The following TSPAN9 variants were observed in gnomAD, a reference collection of about 807,000 sequenced individuals.
TSPAN9 encodes tetraspanin 9, also known as tetraspanin-9.
A neutral mutation model predicts 31.0 loss-of-function variants in TSPAN9; 16 were observed. The observed-to-expected ratio is 0.52, with a 90% confidence interval of 0.35 to 0.78. The LOEUF (loss-of-function observed/expected upper bound fraction) is 0.78, where lower values mean the gene tolerates loss of function less well. Among genes scored for constraint, TSPAN9 ranks in the 30% least tolerant of loss-of-function variants. The pLI, the probability that TSPAN9 is intolerant of heterozygous loss-of-function variation, is 0.01. For missense variants in TSPAN9, 272 were observed against 312.5 expected, an observed-to-expected ratio of 0.87 and a Z score of 0.98; for synonymous variants, 145 against 121.6, an observed-to-expected ratio of 1.19 and a Z score of -1.27.
chr12:3,238,844 C>T (rs183088460), intron 3 of TSPAN9, among the ~76,000 whole-genome samples: 101 of 152,280 alleles, frequency 6.6e-4, no homozygotes, highest in Non-Finnish European at 9.0e-4. Flanking sequence ...ATGCAGCATA[C>T]GTAGGTGGGT....
intron 2 of TSPAN9, among the ~76,000 whole-genome samples, chr12:3,193,001 A>AT (rs1464959862): frequency 2.0e-5 from 3 of 151,902 alleles, no homozygotes; most frequent in African/African-American, 4.8e-5. Context: ...TTTATTCCTT[A>AT]TTTTTTTACA....
chr12:3,284,760 C>T lies in TSPAN9; in HGVS notation c.*1644C>T, dbSNP rs1862980742. On this transcript the variant is annotated 3_prime_UTR_variant, in exon 9 of 9. Transcript: ENST00000011898. ...CTAGCCAGCGTCTGCTGCACTTGAT[C>T]AGGTGGGGCCTTGGTGGGCGGCTGC... 2 of 152,238 alleles carry T rather than the reference C, an allele frequency of 1.3e-5. No homozygotes were observed. Among genetic ancestry groups the T allele is most frequent in the Admixed American group, 6.5e-5 (1 of 15,284 alleles). 9.4% of individuals were successfully genotyped at this position (152,238 alleles called of 1,614,324 possible).
intron 3 of TSPAN9, among the ~76,000 whole-genome samples, chr12:3,256,532 GC>G (rs1862348469): frequency 6.6e-6 from 1 of 152,246 alleles, no homozygotes; most frequent in African/African-American, 2.4e-5. Context: ...GCTGCCTCTA[GC>G]GTAATCGTCG....
intron 2 of TSPAN9, among the ~76,000 whole-genome samples, chr12:3,152,211 A>T (rs2098340115): frequency 6.6e-6 from 1 of 152,194 alleles, no homozygotes; most frequent in Non-Finnish European, 1.5e-5. Context: ...ATAGGGAAGC[A>T]GCTGCCACTT....
Position 3,280,296 on chromosome 12 carries a change from C to A in TSPAN9, c.331-86C>A. 1 of 1,244,188 alleles carries A rather than the reference C, an allele frequency of 8.0e-7. No homozygotes were observed. The highest frequency in any genetic ancestry group is 1.2e-6 in the Non-Finnish European group (1 of 861,924). The allele number at this position is 1,244,188 out of a possible 1,614,324, so 77.1% of individuals were successfully genotyped here. ...GCCTTCCTCACTCCTCATCTGTCAC[C>A]CACCATCCTGGGTGACCTGAGGTGG... On this transcript the variant is annotated intron_variant, in intron 5 of 8. Coordinates refer to ENST00000011898, the MANE Select transcript of TSPAN9 (RefSeq NM_006675.5). The surrounding 1 kb of genome is among the most constrained non-coding windows in gnomAD (Gnocchi z 4.5).
chr12:3,247,079 C>G (rs764353504), intron 3 of TSPAN9, among the ~76,000 whole-genome samples: 1 of 152,118 alleles, frequency 6.6e-6, no homozygotes, highest in Non-Finnish European at 1.5e-5. Flanking sequence ...GTACTGTGCA[C>G]ACATGGAAGG....
At chr12:3,116,529 G>A (rs1307369459) in intron 2 of TSPAN9, among the ~76,000 whole-genome samples, 1 of 152,126 alleles carries the variant, frequency 6.6e-6, no homozygotes, top group African/African-American at 2.4e-5. Flanking sequence ...CTGAGGTCAC[G>A]CAGCTCGGCA....
At chr12:3,281,644 C>T (rs1020533321) in intron 7 of TSPAN9, 90 bp from the exon 8 acceptor site, 24 of 1,425,758 alleles carry the variant, frequency 1.7e-5, no homozygotes, top group African/African-American at 1.4e-4. Flanking sequence ...AGAGCGAGGA[C>T]GAGGTGGAAG....
chr12:3,179,781 C>T (rs73035909), intron 2 of TSPAN9, among the ~76,000 whole-genome samples: 5,059 of 152,234 alleles, frequency 0.033, 116 homozygotes, highest in Middle Eastern at 0.088. Flanking sequence ...ATTTTGCAGG[C>T]GAGCATGTTA....
chr12:3,211,876 C>T, intron 3 of TSPAN9: 1 of 1,594,918 alleles, frequency 6.3e-7, no homozygotes, highest in Non-Finnish European at 8.5e-7. Context: ...TCCTCTTCTC[C>T]TCTTCTGGAG....
rs563655138 is a variant in TSPAN9 at position 3,107,791 on chromosome 12, G to C, written c.-18+24072G>C. On this transcript the variant is annotated intron_variant, in intron 2 of 8. Coordinates refer to ENST00000011898, the MANE Select transcript of TSPAN9 (RefSeq NM_006675.5). This position sits in a 1 kb window ranked among gnomAD's most constrained non-coding sequence, Gnocchi z 4.1. ...TGATCAAAACAAATCCAGATACCTG[G>C]TGATATCGCTAGTGCTACCTGGGCA... Among the ~76,000 whole-genome samples, 28 of 152,314 alleles carry C rather than the reference G, an allele frequency of 1.8e-4. No individual in the cohort carries two copies. The highest frequency in any genetic ancestry group is 2.1e-4 in the South Asian group (1 of 4,826).
intron 1 of TSPAN9, among the ~76,000 whole-genome samples, chr12:3,079,945 A>AAAT (rs1555138024): frequency 7.1e-5 from 10 of 140,390 alleles, no homozygotes; most frequent in South Asian, 2.3e-4. Flanking sequence ...AATTAAAAAA[A>AAAT]TTTTTTTTTT....
intron 3 of TSPAN9, among the ~76,000 whole-genome samples, chr12:3,221,361 T>TCTC (rs72148686): frequency 6.7e-5 from 3 of 44,856 alleles, no homozygotes; most frequent in Non-Finnish European, 4.6e-5. Flanking sequence ...TATTTTTCTC[T>TCTC]TTTTTTTTTT....
At chr12:3,112,676 CTTTTTTTTT>C (rs765040711) in intron 2 of TSPAN9, among the ~76,000 whole-genome samples, 2 of 88,502 alleles carry the variant, frequency 2.3e-5, no homozygotes, top group African/African-American at 4.7e-5. Context: ...TTTATTTTTG[CTTTTTTTTT>C]TTTTTTTTTT....
chr12:3,266,335 G>A (rs75371980), intron 3 of TSPAN9, among the ~76,000 whole-genome samples: 1,820 of 152,338 alleles, frequency 0.012, 41 homozygotes, highest in African/African-American at 0.042. Context: ...GGAGGACAAA[G>A]ATGCCACTGG....
rs1257484935 is a variant in TSPAN9, at chr12:3,095,540, C to T, written c.-18+11821C>T. Among the ~76,000 whole-genome samples, 4 of 126,748 alleles carry T rather than the reference C, an allele frequency of 3.2e-5. No individual in the cohort carries two copies. In the East Asian group the frequency reaches 6.8e-4, roughly 21 times the overall value. The allele number at this position is 126,748 out of a possible 152,430, so 83.2% of individuals were successfully genotyped here. On this transcript the variant is annotated intron_variant, in intron 2 of 8. Coordinates refer to ENST00000011898, the MANE Select transcript of TSPAN9 (RefSeq NM_006675.5). ...CTCCCTCCCGGACGGGGCGGCTGGCCGGGCAGAGGGGCTCCTCACTTCCCA... is the reference window on the plus strand; with the variant it reads ...CTCCCTCCCGGACGGGGCGGCTGGCTGGGCAGAGGGGCTCCTCACTTCCCA...
intron 3 of TSPAN9, among the ~76,000 whole-genome samples, chr12:3,247,102 G>A (rs886420963): frequency 2.6e-5 from 4 of 152,140 alleles, no homozygotes; most frequent in Non-Finnish European, 4.4e-5. Context: ...CCCAGGACAC[G>A]TTCACTGTGT....
intron 2 of TSPAN9, among the ~76,000 whole-genome samples, chr12:3,137,452 C>T (rs945019060): frequency 6.6e-6 from 1 of 152,218 alleles, no homozygotes; most frequent in African/African-American, 2.4e-5. Context: ...GCTTCACATC[C>T]TGCGGGTTTT....
intron 3 of TSPAN9, among the ~76,000 whole-genome samples, chr12:3,235,645 G>T (rs1353382958): frequency 1.3e-5 from 2 of 152,170 alleles, no homozygotes; most frequent in African/African-American, 2.4e-5. Context: ...TTTGGAAGGT[G>T]TCGACTGCAT....
Sources: gnomAD v4.1 joint callset for allele counts (sites outside exome capture counted in the v4.1 genomes callset) on GRCh38, gnomAD v4.1.1 for gene constraint, Gnocchi (gnomAD v3.1) non-coding constraint, MANE v1.5 for transcripts, NCBI Gene and HGNC (gene_info 2026-07-23, HGNC 2026-07-21) for gene names.